FRMD1: variants seen among roughly 807,000 people sequenced by gnomAD.
FRMD1 encodes the protein FERM domain containing 1, also known as FERM domain-containing protein 1.
A neutral mutation model predicts 54.9 loss-of-function variants in FRMD1; 51 were observed. That is an observed-to-expected ratio of 0.93 (90% confidence interval 0.74 to 1.17). The LOEUF is 1.17. Among genes scored for constraint, FRMD1 ranks in the 50% most tolerant of loss-of-function variants. The pLI is 0.00. For synonymous variants in FRMD1, 324 were observed against 306.4 expected, an observed-to-expected ratio of 1.06 and a Z score of -0.60; for missense variants, 729 against 743.0, an observed-to-expected ratio of 0.98 and a Z score of 0.22.
At chr6:168,070,779 G>A (rs1013767819) in intron 2 of FRMD1, among the ~76,000 whole-genome samples, 10 of 152,206 alleles carry the variant, frequency 6.6e-5, no homozygotes, top group African/African-American at 2.2e-4. Context: ...GTGCGTGCGC[G>A]TCCTACTTGT....
chr6:168,082,306 C>T (rs1800846940), upstream of FRMD1, among the ~76,000 whole-genome samples: 2 of 152,244 alleles, frequency 1.3e-5, no homozygotes, highest in Admixed American at 6.5e-5. Context: ...GGCCAAGCTG[C>T]TCAGTGAGTG....
chr6:168,079,784 C>T (rs1487961255), upstream of FRMD1, among the ~76,000 whole-genome samples: 1 of 152,194 alleles, frequency 6.6e-6, no homozygotes, highest in Non-Finnish European at 1.5e-5. Flanking sequence ...GGAAGGGGGT[C>T]CTGGCTTGCG....
Position 168,060,784 on chromosome 6 carries a change from G to A in FRMD1, c.1319C>T (p.Pro440Leu). 6.2e-7 allele frequency: 1 copy of A among 1,611,574 alleles called. No individual in the cohort carries two copies. The highest frequency in any genetic ancestry group is 8.5e-7 in the Non-Finnish European group (1 of 1,178,302). The stretch of plus-strand genomic sequence containing the variant: ...ACCTTGGCTGTCACCACGTGTGCTG[G>A]GGTGGCTGCGGCTGGTCCTGGGGCT... ...SSSPRTSRSHPSTRGDSQATR... is the reference protein window; with the variant it reads ...SSSPRTSRSHLSTRGDSQATR... Residue 440 changes from proline to leucine, a missense_variant, in exon 9 of 11, where the codon CCC becomes CTC. Transcript: ENST00000283309.
intron 1 of FRMD1, among the ~76,000 whole-genome samples, chr6:168,087,531 C>T (rs570351992): frequency 5.9e-5 from 9 of 152,352 alleles, no homozygotes; most frequent in East Asian, 3.9e-4. Context: ...CATCGTGAGA[C>T]GGCTCTGTGG....
At position 168,054,550 on chromosome 6, in the gene FRMD1, G is replaced by A. The variant is rs9364218; in HGVS notation, c.*2547C>T. On this transcript the variant is annotated 3_prime_UTR_variant, in exon 11 of 11. Transcript: ENST00000283309. ...CCCCCTGTACACAGCGGCTTCTGCTGTTTGCAGGCCACCCCCAGCCCTGCC... is the reference window on the plus strand; with the variant it reads ...CCCCCTGTACACAGCGGCTTCTGCTATTTGCAGGCCACCCCCAGCCCTGCC... 0.45 allele frequency: 67,096 copies of A among 147,956 alleles called. 16,398 individuals are homozygous for A. The highest frequency in any genetic ancestry group is 0.65 in the South Asian group (3,028 of 4,678). The allele number at this position is 147,956 out of a possible 1,614,324, so 9.2% of individuals were successfully genotyped here.
At chr6:168,088,452 G>A (rs1288303238) in intron 1 of FRMD1, among the ~76,000 whole-genome samples, 3 of 152,208 alleles carry the variant, frequency 2.0e-5, no homozygotes, top group African/African-American at 4.8e-5. Context: ...CACCCAGAGG[G>A]CAGATGCTTG....
chr6:168,057,011 G>A lies in FRMD1; in HGVS notation c.*86C>T. 7.2e-7 allele frequency: 1 copy of A among 1,387,150 alleles called. No homozygotes were observed. The highest frequency in any genetic ancestry group is 2.8e-5 in the East Asian group (1 of 36,154). 85.9% of individuals were successfully genotyped at this position (1,387,150 alleles called of 1,614,324 possible). ...GCGGAAGTGCAGGCAGCATCTGGCG[G>A]GCAGGAAGGGACGAGGGCCATGTGG... On this transcript the variant is annotated 3_prime_UTR_variant, in exon 11 of 11. Coordinates refer to ENST00000283309, the MANE Select transcript of FRMD1 (RefSeq NM_024919.6).
rs1196462271 is a variant in FRMD1 at position 168,059,494 on chromosome 6, AGGGCAATGGCG to A, written c.1343-317_1343-307del. 3.3e-5 allele frequency among the ~76,000 whole-genome samples: 5 copies of A among 152,196 alleles called. No homozygotes were observed. The highest frequency in any genetic ancestry group is 4.8e-5 in the African/African-American group (2 of 41,454). ...CCTTCCTGGTGGACCAGACACTCCAAGGGCAATGGCGGACACAGTGGCTTAGTGACAGGAAT... is the reference window on the plus strand; with the variant it reads ...CCTTCCTGGTGGACCAGACACTCCAAGACACAGTGGCTTAGTGACAGGAAT... On this transcript the variant is annotated intron_variant, in intron 9 of 10. Transcript: ENST00000283309. The surrounding 1 kb of genome is among the most constrained non-coding windows in gnomAD (Gnocchi z 4.4).
At chr6:168,071,443 C>A (rs949342237) in intron 2 of FRMD1, among the ~76,000 whole-genome samples, 4 of 152,204 alleles carry the variant, frequency 2.6e-5, no homozygotes, top group African/African-American at 9.6e-5. Context: ...GTCAAGAAGG[C>A]CCTGGGGCCA....
At chr6:168,066,376 T>A in intron 4 of FRMD1, 1 of 448,560 alleles carries the variant, frequency 2.2e-6, no homozygotes, top group Non-Finnish European at 3.0e-6. Flanking sequence ...CGCCCGCCTG[T>A]AATCCCAGCT....
chr6:168,092,107 G>A (rs932279287), intron 1 of FRMD1, among the ~76,000 whole-genome samples: 19 of 152,226 alleles, frequency 1.2e-4, no homozygotes, highest in Admixed American at 8.5e-4. Context: ...TGGACAGAGC[G>A]CTGCCAACCA....
intron 4 of FRMD1, chr6:168,066,422 C>T: frequency 1.7e-6 from 1 of 575,088 alleles, no homozygotes; most frequent in African/African-American, 2.0e-5. Context: ...CGCTTGAACC[C>T]AGGAGGTGGA....
At chr6:168,061,164 A>G (rs978993476) in intron 8 of FRMD1, 107 bp from the exon 9 acceptor site, 2 of 1,136,060 alleles carry the variant, frequency 1.8e-6, no homozygotes. Flanking sequence ...AGCCCAGATG[A>G]GGACGTGGAA....
At chr6:168,075,692 A>G (rs1800556372) in intron 1 of FRMD1, 1 of 1,442,398 alleles carries the variant, frequency 6.9e-7, no homozygotes, top group Non-Finnish European at 9.5e-7. Context: ...CTCGCACGGC[A>G]CAAATGAATG....
At chr6:168,081,131 A>G (rs542267834), upstream of FRMD1, among the ~76,000 whole-genome samples, 87 of 152,190 alleles carry the variant, frequency 5.7e-4, no homozygotes, top group African/African-American at 1.7e-3. Flanking sequence ...AGTGCCAGGG[A>G]GAGCTGGGCT....
At chr6:168,081,563 C>A (rs1337530044), upstream of FRMD1, 10 of 1,463,176 alleles carry the variant, frequency 6.8e-6, no homozygotes, top group Non-Finnish European at 8.2e-6. Context: ...TAGATAGAGG[C>A]CTGCTGAGAA....
upstream of FRMD1, among the ~76,000 whole-genome samples, chr6:168,079,459 G>C (rs527827385): frequency 6.6e-6 from 1 of 152,228 alleles, no homozygotes; most frequent in Non-Finnish European, 1.5e-5. Flanking sequence ...CAGGGTGCCT[G>C]CTCCTTCTTC....
Position 168,075,890 on chromosome 6 carries a change from GC to G in FRMD1, c.214-556del. 42 of 211,288 alleles carry G rather than the reference GC, an allele frequency of 2.0e-4. 20 individuals are homozygous for G. The highest frequency in any genetic ancestry group is 5.4e-4 in the East Asian group (4 of 7,424). 13.1% of individuals were successfully genotyped at this position (211,288 alleles called of 1,614,324 possible). The stretch of plus-strand genomic sequence containing the variant: ...CCGGTGCCCGGTGTCCACATTTCCG[GC>G]GTCCCGTGTCCACATTTCCGGTGCC... On this transcript the variant is annotated intron_variant, in intron 1 of 10. Coordinates refer to ENST00000283309, the MANE Select transcript of FRMD1 (RefSeq NM_024919.6).
chr6:168,064,739 T>G, intron 5 of FRMD1, 132 bp downstream of exon 5: 1 of 1,431,538 alleles, frequency 7.0e-7, no homozygotes, highest in Admixed American at 2.6e-5. Flanking sequence ...GTGATTGCCC[T>G]GTTTCCATCC....
Sources: allele counts gnomAD v4.1 joint callset (sites outside exome capture counted in the v4.1 genomes callset), GRCh38; gene constraint gnomAD v4.1.1; non-coding constraint Gnocchi (gnomAD v3.1); transcripts MANE v1.5; gene names NCBI Gene and HGNC (gene_info 2026-07-23, HGNC 2026-07-21).